The following PRSS12 variants were observed in gnomAD, a reference collection of about 807,000 sequenced individuals.
PRSS12 encodes serine protease 12, also known as neurotrypsin.
A neutral mutation model predicts 104.4 loss-of-function variants in PRSS12; 85 were observed. That is an observed-to-expected ratio of 0.81 (90% CI 0.68 to 0.98). The LOEUF is 0.98. Among genes scored for constraint, PRSS12 ranks in the 50% least tolerant of loss-of-function variants. The pLI, the probability that PRSS12 is intolerant of heterozygous loss-of-function variation, is 0.00. For synonymous variants in PRSS12, 454 were observed against 425.2 expected, an observed-to-expected ratio of 1.07 and a Z score of -0.83; for missense variants, 1,141 against 1,139.2, an observed-to-expected ratio of 1.00 and a Z score of -0.02.
chr4:118,285,971 T>C (rs186601789), intron 11 of PRSS12, among the ~76,000 whole-genome samples: 7 of 152,260 alleles, frequency 4.6e-5, no homozygotes, highest in Admixed American at 3.9e-4. Context: ...AAAAATTGAG[T>C]CTTCAACCAG....
intron 11 of PRSS12, among the ~76,000 whole-genome samples, chr4:118,285,811 C>CT (rs377052489): frequency 7.9e-5 from 12 of 151,110 alleles, no homozygotes; most frequent in African/African-American, 1.9e-4. Flanking sequence ...GGGTTTTTAT[C>CT]TTTTTTTTTC....
At chr4:118,343,130 TG>T (rs1393214737) in intron 1 of PRSS12, among the ~76,000 whole-genome samples, 1 of 152,036 alleles carries the variant, frequency 6.6e-6, no homozygotes, top group Admixed American at 6.6e-5. Flanking sequence ...GCCTCACACC[TG>T]TAATCCCAGC....
At chr4:118,309,444 A>ATG (rs1560772837) in intron 7 of PRSS12, among the ~76,000 whole-genome samples, 1 of 146,478 alleles carries the variant, frequency 6.8e-6, no homozygotes, top group Non-Finnish European at 1.5e-5. Context: ...GAGGACTGCC[A>ATG]TATACAAGCT....
In PRSS12 at chr4:118,324,955, C is replaced by T. The variant is rs144937888; in HGVS notation, c.972-6399G>A. 6.7e-3 allele frequency among the ~76,000 whole-genome samples: 1,025 copies of T among 152,168 alleles called. 12 individuals carry two copies. The highest frequency in any genetic ancestry group is 0.023 in the African/African-American group (941 of 41,560). ...CGAACTCCTGACATTGTGATCCACC[C>T]GCCTCAGCCTCCCAAAGGATTACAG... On this transcript the variant is annotated intron_variant, in intron 4 of 12. Transcript: ENST00000296498.
Position 118,352,490 on chromosome 4 carries a change from C to A in PRSS12, c.231G>T (p.Pro77=), listed in dbSNP as rs753499970. The A allele has an allele frequency of 3.6e-6, 5 of 1,376,312 alleles. No homozygotes were observed. In the South Asian group the frequency reaches 7.0e-5, roughly 19 times the overall value. The allele number at this position is 1,376,312 out of a possible 1,614,324, so 85.3% of individuals were successfully genotyped here. A position where few individuals can be genotyped will look rare whatever the true frequency, so the allele number is the denominator to read the frequency against. Residue 77 remains proline, a synonymous_variant, in exon 1 of 13, where the codon CCG becomes CCT. Transcript: ENST00000296498. The part of the protein sequence containing the change: ...RPPRALPAQR[P]HALQAGHTPR... ...GCGTGTGCCCGGCCTGGAGGGCGTG[C>A]GGGCGCTGGGCAGGGAGCGCCCGCG...
At position 118,313,223 on chromosome 4, in the gene PRSS12, G is replaced by A. The variant is rs769559504; in HGVS notation, c.1467C>T (p.Gly489=). 1.1e-5 allele frequency: 18 copies of A among 1,613,558 alleles called. No individual in the cohort carries two copies. Among genetic ancestry groups the A allele is most frequent in the South Asian group, 6.6e-5 (6 of 91,046 alleles). Residue 489 remains glycine (G), a synonymous_variant, in exon 7 of 13, where the codon GGC becomes GGT. Transcript: ENST00000296498. ...EDVSIACYPG[G]EGHRLSLGFP... is the part of the protein sequence containing the mutation. ...CACCCAGAGAGAGCCTGTGTCCCTC[G>A]CCGCCAGGGTAGCAGGCAATGCTAA...
chr4:118,311,221 T>G (rs989683403), intron 7 of PRSS12, among the ~76,000 whole-genome samples: 3 of 152,138 alleles, frequency 2.0e-5, no homozygotes, highest in African/African-American at 7.2e-5. Context: ...TCCCAGAAAT[T>G]TCTGCCAACT....
chr4:118,332,873 G>A (rs959299786), intron 3 of PRSS12, among the ~76,000 whole-genome samples: 4 of 152,166 alleles, frequency 2.6e-5, no homozygotes, highest in African/African-American at 9.7e-5. Flanking sequence ...CCTTGTACAA[G>A]GTGTTATGAT....
At chr4:118,329,793 A>G (rs1395088281) in intron 4 of PRSS12, among the ~76,000 whole-genome samples, 1 of 152,184 alleles carries the variant, frequency 6.6e-6, no homozygotes, top group East Asian at 1.9e-4. Flanking sequence ...AACTGCAACT[A>G]AGAGATATTC....
intron 1 of PRSS12, among the ~76,000 whole-genome samples, chr4:118,347,301 T>A (rs901521460): frequency 3.3e-5 from 5 of 152,168 alleles, no homozygotes; most frequent in African/African-American, 7.2e-5. Flanking sequence ...GCTAACTTTT[T>A]AATTAACACT....
intron 11 of PRSS12, among the ~76,000 whole-genome samples, chr4:118,283,900 A>C (rs567385534): frequency 6.6e-6 from 1 of 152,172 alleles, no homozygotes; most frequent in Admixed American, 6.5e-5. Context: ...GATTAATCTA[A>C]AACACCTAAA....
chr4:118,337,115 A>G (rs772775328), intron 2 of PRSS12, among the ~76,000 whole-genome samples: 5 of 152,196 alleles, frequency 3.3e-5, no homozygotes, highest in Admixed American at 6.5e-5. Context: ...CTTTTATTCA[A>G]TACTCATTCC....
chr4:118,301,730 C>T (rs1281128892), intron 8 of PRSS12, among the ~76,000 whole-genome samples: 1 of 152,102 alleles, frequency 6.6e-6, no homozygotes, highest in African/African-American at 2.4e-5. Context: ...TTTGTAACTT[C>T]TACAGATCTG....
chr4:118,333,480 A>T (rs1204071147), intron 3 of PRSS12, among the ~76,000 whole-genome samples: 1 of 152,244 alleles, frequency 6.6e-6, no homozygotes, highest in African/African-American at 2.4e-5. Flanking sequence ...GTTTACTTGC[A>T]TAAGTTAACT....
intron 11 of PRSS12, among the ~76,000 whole-genome samples, chr4:118,290,002 C>A (rs921911657): frequency 6.6e-6 from 1 of 152,100 alleles, no homozygotes; most frequent in African/African-American, 2.4e-5. Context: ...TATCATCATC[C>A]TCTAAAAAGC....
intron 2 of PRSS12, among the ~76,000 whole-genome samples, chr4:118,337,683 C>A (rs1724096258): frequency 6.6e-6 from 1 of 151,968 alleles, no homozygotes; most frequent in East Asian, 1.9e-4. Context: ...GTAAACATTG[C>A]CCCTTTCACA....
At chr4:118,301,163 T>G (rs1216858604) in intron 8 of PRSS12, among the ~76,000 whole-genome samples, 1 of 152,186 alleles carries the variant, frequency 6.6e-6, no homozygotes, top group East Asian at 1.9e-4. Flanking sequence ...AATCTAGCTT[T>G]ATTTTTGTCC....
chr4:118,280,367 A>C lies in PRSS12; in HGVS notation c.*1569T>G, dbSNP rs1482662336. The C allele has an allele frequency of 7.4e-6, 1 of 135,580 alleles. No homozygotes were observed. The highest frequency in any genetic ancestry group is 1.8e-5 in the Non-Finnish European group (1 of 56,902). 8.4% of individuals were successfully genotyped at this position (135,580 alleles called of 1,614,324 possible). On this transcript the variant is annotated 3_prime_UTR_variant, in exon 13 of 13. Transcript: ENST00000296498. ...GTAGTTCTATTTACATATAAACGCT[A>C]CTTTAAAAGTTTATCAAAATCATGA...
At chr4:118,336,295 G>GA (rs1302903479) in intron 2 of PRSS12, among the ~76,000 whole-genome samples, 1 of 152,056 alleles carries the variant, frequency 6.6e-6, no homozygotes, top group Non-Finnish European at 1.5e-5. Flanking sequence ...ATTTTTAAAA[G>GA]AAAAAATGAA....
Sources: gnomAD v4.1 joint callset for allele counts (sites outside exome capture counted in the v4.1 genomes callset) on GRCh38, gnomAD v4.1.1 for gene constraint, MANE v1.5 for transcripts, NCBI Gene and HGNC (gene_info 2026-07-23, HGNC 2026-07-21) for gene names.